The following GRK5 variants were observed in gnomAD, a reference collection of about 807,000 sequenced individuals.
GRK5 encodes G protein-coupled receptor kinase 5, also known as g protein-coupled receptor kinase GRK5.
GRK5 carries 40 observed loss-of-function variants against 78.4 expected under a neutral mutation model. The ratio of observed to expected loss-of-function variants is 0.51; its 90% CI spans 0.40 to 0.66. The LOEUF is 0.66. Among genes scored for constraint, GRK5 ranks in the 30% least tolerant of loss-of-function variants. The pLI is 0.00. For synonymous variants in GRK5, 289 were observed against 296.8 expected (o/e 0.97, Z 0.27); for missense variants, 598 against 759.9 (o/e 0.79, Z 2.50).
intron 3 of GRK5, among the ~76,000 whole-genome samples, chr10:119,390,987 G>GC (rs1851880344): frequency 6.6e-6 from 1 of 151,134 alleles, no homozygotes; most frequent in African/African-American, 2.4e-5. Context: ...GAGAGATGCA[G>GC]CCCCCCTTCC....
chr10:119,416,321 G>A (rs894505486), intron 4 of GRK5, among the ~76,000 whole-genome samples: 4 of 152,246 alleles, frequency 2.6e-5, no homozygotes, highest in Non-Finnish European at 2.9e-5. Context: ...CCTTGGCGAC[G>A]CCATCCTCGG....
At chr10:119,274,722 G>A (rs140323880) in intron 1 of GRK5, among the ~76,000 whole-genome samples, 3 of 152,230 alleles carry the variant, frequency 2.0e-5, no homozygotes, top group Admixed American at 6.5e-5. Flanking sequence ...TAGAGTTTTC[G>A]GTTTCTCTGT....
At chr10:119,215,851 C>T (rs975612558) in intron 1 of GRK5, among the ~76,000 whole-genome samples, 23 of 152,124 alleles carry the variant, frequency 1.5e-4, no homozygotes, top group Admixed American at 9.8e-4. Context: ...TGCATAAGTG[C>T]GGCAGATCTA....
chr10:119,369,421 G>A (rs934417919), intron 2 of GRK5, among the ~76,000 whole-genome samples: 1 of 152,144 alleles, frequency 6.6e-6, no homozygotes, highest in Non-Finnish European at 1.5e-5. Context: ...CACAGGCCAC[G>A]CAGGGTAAAA....
At chr10:119,308,620 A>ACTCCATCTT (rs1850310315) in intron 1 of GRK5, among the ~76,000 whole-genome samples, 1 of 152,242 alleles carries the variant, frequency 6.6e-6, no homozygotes, top group East Asian at 1.9e-4. Flanking sequence ...TGGGCCGGTC[A>ACTCCATCTT]GCCCGCGTCT....
intron 1 of GRK5, among the ~76,000 whole-genome samples, chr10:119,265,969 T>C (rs766525554): frequency 1.3e-5 from 2 of 152,154 alleles, no homozygotes; most frequent in South Asian, 4.1e-4. Context: ...GTTCCCTCTT[T>C]GGGCCCCACT....
intron 2 of GRK5, among the ~76,000 whole-genome samples, chr10:119,362,569 G>T (rs74327167): frequency 0.072 from 10,889 of 152,252 alleles, 591 homozygotes; most frequent in East Asian, 0.24. Flanking sequence ...CCAGGATATC[G>T]CAGGGAAGGA....
At chr10:119,396,313 T>C (rs959970056) in intron 3 of GRK5, among the ~76,000 whole-genome samples, 1 of 152,254 alleles carries the variant, frequency 6.6e-6, no homozygotes, top group East Asian at 1.9e-4. Context: ...TCTGGTAGTT[T>C]CCTTTGATTC....
intron 1 of GRK5, among the ~76,000 whole-genome samples, chr10:119,218,074 TTGTG>T (rs59742803): frequency 6.7e-4 from 98 of 146,558 alleles, no homozygotes; most frequent in East Asian, 2.4e-3. Flanking sequence ...GTCAACCCGT[TTGTG>T]TGTGTGTGTG....
At chr10:119,328,431 GA>G in intron 2 of GRK5, among the ~76,000 whole-genome samples, 1 of 152,258 alleles carries the variant, frequency 6.6e-6, no homozygotes, top group Non-Finnish European at 1.5e-5. Context: ...CCTGTTGTGG[GA>G]CTGGGGAGGA....
At chr10:119,373,677 G>A (rs1289214332) in intron 2 of GRK5, among the ~76,000 whole-genome samples, 2 of 152,170 alleles carry the variant, frequency 1.3e-5, no homozygotes, top group Non-Finnish European at 2.9e-5. Flanking sequence ...ATGAGAATCT[G>A]CATTTTCAGT....
At chr10:119,281,750 G>A (rs1308648427) in intron 1 of GRK5, among the ~76,000 whole-genome samples, 1 of 152,188 alleles carries the variant, frequency 6.6e-6, no homozygotes, top group East Asian at 1.9e-4. Context: ...CCCGAGCCAG[G>A]CCATCAAGTC....
intron 3 of GRK5, among the ~76,000 whole-genome samples, chr10:119,392,466 A>G (rs1851900966): frequency 6.6e-6 from 1 of 152,200 alleles, no homozygotes; most frequent in East Asian, 1.9e-4. Flanking sequence ...GCAATGGCAC[A>G]ATCTCAGCTT....
At position 119,458,955 on chromosome 10, in the gene GRK5, C is replaced by T. The variant is rs1433943492; in HGVS notation, c.*3888C>T. 1 of 152,190 alleles carries T rather than the reference C, an allele frequency of 6.6e-6. No homozygotes were observed. The highest frequency in any genetic ancestry group is 2.4e-5 in the African/African-American group (1 of 41,446). 9.4% of individuals were successfully genotyped at this position (152,190 alleles called of 1,614,324 possible). ...GGAAATCTCTGAGAAGAAGAGGAAA[C>T]ACCTGAGTGACACTCAGCTGTCCTC... On this transcript the variant is annotated 3_prime_UTR_variant, in exon 16 of 16. Coordinates refer to ENST00000392870, the MANE Select transcript of GRK5 (RefSeq NM_005308.3).
At chr10:119,290,082 C>G (rs994447466) in intron 1 of GRK5, among the ~76,000 whole-genome samples, 1 of 152,090 alleles carries the variant, frequency 6.6e-6, no homozygotes, top group African/African-American at 2.4e-5. Flanking sequence ...CGTGATGGCT[C>G]AAGCCTGTAA....
chr10:119,240,557 T>G (rs1589696562), intron 1 of GRK5, among the ~76,000 whole-genome samples: 1 of 152,118 alleles, frequency 6.6e-6, no homozygotes, highest in East Asian at 1.9e-4. Context: ...TCTATTGTGT[T>G]TTTGATTTGC....
chr10:119,363,513 A>G (rs1398012742), intron 2 of GRK5, among the ~76,000 whole-genome samples: 1 of 152,204 alleles, frequency 6.6e-6, no homozygotes, highest in East Asian at 1.9e-4. Context: ...TGGCCTAAAC[A>G]AGGTGGAAGC....
intron 2 of GRK5, among the ~76,000 whole-genome samples, chr10:119,330,598 C>T (rs114235035): frequency 0.015 from 2,304 of 152,210 alleles, 53 homozygotes; most frequent in African/African-American, 0.051. Flanking sequence ...CCAACCTATT[C>T]CTAGATTCAA....
At chr10:119,414,395 G>A (rs1479427859) in intron 4 of GRK5, among the ~76,000 whole-genome samples, 1 of 152,200 alleles carries the variant, frequency 6.6e-6, no homozygotes, top group Non-Finnish European at 1.5e-5. Flanking sequence ...GTGTGTGAGA[G>A]AGAGAGACAC....
Sources: gnomAD v4.1 joint callset for allele counts (sites outside exome capture counted in the v4.1 genomes callset) on GRCh38, gnomAD v4.1.1 for gene constraint, MANE v1.5 for transcripts, NCBI Gene and HGNC (gene_info 2026-07-23, HGNC 2026-07-21) for gene names.